The following ATXN1 variants were observed in gnomAD, a reference collection of about 807,000 sequenced individuals.
ATXN1 encodes the protein ataxin-1.
A neutral mutation model predicts 56.4 loss-of-function variants in ATXN1; 8 were observed. The observed-to-expected ratio is 0.14, with a 90% confidence interval of 0.08 to 0.26. ATXN1 has a LOEUF of 0.26. Among genes scored for constraint, ATXN1 ranks in the 10% least tolerant of loss-of-function variants. The pLI is 1.00. For synonymous variants in ATXN1, 514 were observed against 494.6 expected, an observed-to-expected ratio of 1.04 and a Z score of -0.52; for missense variants, 987 against 1,106.5, an observed-to-expected ratio of 0.89 and a Z score of 1.53.
chr6:16,712,142 G>A (rs777195721), intron 2 of ATXN1, among the ~76,000 whole-genome samples: 2 of 152,170 alleles, frequency 1.3e-5, no homozygotes, highest in Non-Finnish European at 2.9e-5. Context: ...TGATTATGTG[G>A]ATGTATGCAT....
chr6:16,689,510 C>CTTTTTTT (rs371753662), intron 2 of ATXN1, among the ~76,000 whole-genome samples: 5 of 126,868 alleles, frequency 3.9e-5, no homozygotes, highest in African/African-American at 8.6e-5. Flanking sequence ...CTTTTTTTTT[C>CTTTTTTT]TTTTTTTTTT....
intron 6 of ATXN1, among the ~76,000 whole-genome samples, chr6:16,417,852 GA>G (rs1233130072): frequency 6.6e-6 from 1 of 151,998 alleles, no homozygotes; most frequent in Middle Eastern, 3.2e-3. Flanking sequence ...AGGTACCAAA[GA>G]AGGCTAAATA....
At chr6:16,377,829 G>C (rs1199159271) in intron 6 of ATXN1, among the ~76,000 whole-genome samples, 1 of 152,238 alleles carries the variant, frequency 6.6e-6, no homozygotes, top group Admixed American at 6.5e-5. Flanking sequence ...AACTATGGCG[G>C]CATAGCATAA....
intron 7 of ATXN1, among the ~76,000 whole-genome samples, chr6:16,316,179 C>A (rs987620030): frequency 5.9e-5 from 9 of 152,178 alleles, no homozygotes; most frequent in African/African-American, 2.2e-4. Flanking sequence ...TGCAAGGAAT[C>A]CAGGTTGTGC....
chr6:16,612,101 C>A (rs139166270), intron 3 of ATXN1, among the ~76,000 whole-genome samples: 1 of 151,882 alleles, frequency 6.6e-6, no homozygotes, highest in Non-Finnish European at 1.5e-5. Flanking sequence ...CCTCATGATG[C>A]GCCTGCCTCA....
chr6:16,468,789 G>C (rs957805828), intron 6 of ATXN1, among the ~76,000 whole-genome samples: 2 of 151,940 alleles, frequency 1.3e-5, no homozygotes, highest in African/African-American at 4.8e-5. Context: ...TTGAGATTTA[G>C]AGCAACTAGA....
intron 4 of ATXN1, among the ~76,000 whole-genome samples, chr6:16,547,324 C>G (rs1420371099): frequency 6.6e-6 from 1 of 152,164 alleles, no homozygotes; most frequent in Non-Finnish European, 1.5e-5. Context: ...ACCCCAAACC[C>G]TGAGATTTGG....
At chr6:16,755,145 G>A (rs1282756229) in intron 1 of ATXN1, among the ~76,000 whole-genome samples, 1 of 152,198 alleles carries the variant, frequency 6.6e-6, no homozygotes, top group Non-Finnish European at 1.5e-5. Flanking sequence ...CTAGTTTGCT[G>A]AAGTGCAGAG....
At position 16,326,973 on chromosome 6, in the gene ATXN1, C is replaced by T. The variant is rs1487209540; in HGVS notation, c.1338G>A (p.Val446=). ...CGTAGAAGGCCGTGGCTGGCAGTCC[C>T]ACCGGGAGTGGCTCTGAAGCACTGT... ...TTHSASEPLP[V]GLPATAFYAG... Residue 446 remains valine, a synonymous_variant, in exon 7 of 8, where the codon GTG becomes GTA. Coordinates refer to ENST00000436367, the MANE Select transcript of ATXN1 (RefSeq NM_001128164.2). This position sits in a 1 kb window ranked among gnomAD's most constrained non-coding sequence, Gnocchi z 6.6. 6.2e-7 allele frequency: 1 copy of T among 1,614,170 alleles called. No homozygotes were observed.
chr6:16,482,499 A>G (rs1189455855), intron 6 of ATXN1, among the ~76,000 whole-genome samples: 1 of 152,184 alleles, frequency 6.6e-6, no homozygotes, highest in Admixed American at 6.5e-5. Context: ...CTGCTTTGAT[A>G]AGGTAACTCA....
intron 3 of ATXN1, among the ~76,000 whole-genome samples, chr6:16,625,458 C>T (rs1338951016): frequency 6.6e-6 from 1 of 152,170 alleles, no homozygotes; most frequent in Non-Finnish European, 1.5e-5. Flanking sequence ...CTGAGTTAGA[C>T]AGACCATGTG....
Position 16,328,393 on chromosome 6 carries a change from G to A in ATXN1, c.-83C>T. 3 of 1,410,096 alleles carry A rather than the reference G, an allele frequency of 2.1e-6. No individual in the cohort carries two copies. In the East Asian group the frequency reaches 7.4e-5, roughly 35 times the overall value. 87.3% of individuals were successfully genotyped at this position (1,410,096 alleles called of 1,614,324 possible). On this transcript the variant is annotated 5_prime_UTR_variant, in exon 7 of 8. Transcript: ENST00000436367. This position sits in a 1 kb window ranked among gnomAD's most constrained non-coding sequence, Gnocchi z 6.2. ...GTCTGATAAACGGAAAGTCACATTT[G>A]ATTTCTGTAGGGGATCCAGGCTCTT...
chr6:16,712,584 A>G (rs948640248), intron 2 of ATXN1, among the ~76,000 whole-genome samples: 3 of 152,198 alleles, frequency 2.0e-5, no homozygotes, highest in African/African-American at 7.2e-5. Context: ...CATTACACTC[A>G]AAAAAAGAAC....
At position 16,370,236 on chromosome 6, in the gene ATXN1, C is replaced by A. The variant is rs561013078; in HGVS notation, c.-160-41766G>T. Among the ~76,000 whole-genome samples, 38 of 152,308 alleles carry A rather than the reference C, an allele frequency of 2.5e-4. No homozygotes were observed. In the East Asian group the frequency reaches 6.4e-3, roughly 25 times the overall value. ...GCCTGGCAGGGCTGCTGCTTTGACC[C>A]TGGAGTTGAGAGGAATTGTTCTTTC... On this transcript the variant is annotated intron_variant, in intron 6 of 7. Transcript: ENST00000436367.
At chr6:16,388,594 C>T (rs1158034359) in intron 6 of ATXN1, among the ~76,000 whole-genome samples, 1 of 152,238 alleles carries the variant, frequency 6.6e-6, no homozygotes, top group East Asian at 1.9e-4. Context: ...CAGTTGGGAA[C>T]TTCACATGTG....
At chr6:16,710,492 A>T (rs1275919982) in intron 2 of ATXN1, among the ~76,000 whole-genome samples, 16 of 152,206 alleles carry the variant, frequency 1.1e-4, no homozygotes, top group Admixed American at 1.0e-3. Flanking sequence ...TCTTGAGGGA[A>T]AAAACAAGAC....
In ATXN1 at chr6:16,410,171, G is replaced by A. The variant is rs957589095; in HGVS notation, c.-161+75801C>T. Among the ~76,000 whole-genome samples, 3 of 152,198 alleles carry A rather than the reference G, an allele frequency of 2.0e-5. No homozygotes were observed. Among genetic ancestry groups the A allele is most frequent in the Non-Finnish European group, 2.9e-5 (2 of 68,028 alleles). ...TCGGCCTCTTGCTTACTATGACGCC[G>A]TGTGAATCACAGCATCTAGCGGCCC... On this transcript the variant is annotated intron_variant, in intron 6 of 7. Transcript: ENST00000436367. The surrounding 1 kb of genome is among the most constrained non-coding windows in gnomAD (Gnocchi z 4.6).
Position 16,510,737 on chromosome 6 carries a change from C to CATAAATAA in ATXN1, c.-299+11882_-299+11889dup, listed in dbSNP as rs57597775. Reference sequence around the variant, plus strand: ...TGGGTGACAGAGTGAGGCCCTGTCTCATAAATAAATAAATAAATAGAAATA... The same window carrying CATAAATAA: ...TGGGTGACAGAGTGAGGCCCTGTCTCATAAATAAATAAATAAATAAATAAATAGAAATA... On this transcript the variant is annotated intron_variant, in intron 5 of 7. Transcript: ENST00000436367. Among the ~76,000 whole-genome samples, 67 of 151,812 alleles carry CATAAATAA rather than the reference C, an allele frequency of 4.4e-4. No individual in the cohort carries two copies. The Middle Eastern group carries it at 0.01, about 23-fold the overall frequency.
At chr6:16,376,130 C>T (rs1053593851) in intron 6 of ATXN1, among the ~76,000 whole-genome samples, 1 of 152,306 alleles carries the variant, frequency 6.6e-6, no homozygotes, top group Admixed American at 6.5e-5. Flanking sequence ...ATTCTTCATG[C>T]GGTTCTCATG....
Sources: gnomAD v4.1 joint callset for allele counts (sites outside exome capture counted in the v4.1 genomes callset) on GRCh38, gnomAD v4.1.1 for gene constraint, Gnocchi (gnomAD v3.1) non-coding constraint, MANE v1.5 for transcripts, NCBI Gene and HGNC (gene_info 2026-07-23, HGNC 2026-07-21) for gene names.